The following RFX6 variants were observed in gnomAD, a reference collection of about 807,000 sequenced individuals.
RFX6 encodes regulatory factor X6.
A neutral mutation model predicts 110.8 loss-of-function variants in RFX6; 50 were observed. The ratio of observed to expected loss-of-function variants is 0.45; its 90% CI spans 0.36 to 0.57. The LOEUF (loss-of-function observed/expected upper bound fraction) is 0.57, where lower values mean the gene tolerates loss of function less well. Ranked by LOEUF, RFX6 falls within the 20% of genes least tolerant of loss-of-function variation. The pLI is 0.00. For synonymous variants in RFX6, 383 were observed against 411.2 expected (o/e 0.93, Z 0.83); for missense variants, 990 against 1,127.0 (o/e 0.88, Z 1.74).
intron 6 of RFX6, among the ~76,000 whole-genome samples, chr6:116,909,089 A>G (rs971715167): frequency 6.6e-6 from 1 of 151,900 alleles, no homozygotes; most frequent in African/African-American, 2.4e-5. Flanking sequence ...AAATCTTTTG[A>G]GTCTGTTTTT....
intron 6 of RFX6, among the ~76,000 whole-genome samples, chr6:116,897,252 G>T (rs952993750): frequency 6.6e-6 from 1 of 152,062 alleles, no homozygotes; most frequent in Non-Finnish European, 1.5e-5. Context: ...TGGAAATTGT[G>T]GTTCAGATAA....
At chr6:116,931,055 G>A (rs1283380871) in intron 18 of RFX6, among the ~76,000 whole-genome samples, 2 of 152,190 alleles carry the variant, frequency 1.3e-5, no homozygotes, top group African/African-American at 4.8e-5. Flanking sequence ...CAGATGGAAA[G>A]AGGAGGTTGA....
chr6:116,885,846 T>C (rs1259689017), intron 4 of RFX6, among the ~76,000 whole-genome samples: 2 of 152,182 alleles, frequency 1.3e-5, no homozygotes, highest in Non-Finnish European at 2.9e-5. Flanking sequence ...TTGTGTTTTA[T>C]ATTAACAGCA....
intron 3 of RFX6, among the ~76,000 whole-genome samples, chr6:116,881,703 G>A (rs944172676): frequency 6.6e-6 from 1 of 151,916 alleles, no homozygotes; most frequent in East Asian, 1.9e-4. Context: ...TACCTTATGG[G>A]AATAATTCTT....
intron 4 of RFX6, among the ~76,000 whole-genome samples, chr6:116,888,817 T>TAATG (rs1774756541): frequency 6.6e-6 from 1 of 152,156 alleles, no homozygotes. Flanking sequence ...AACCACAAAA[T>TAATG]AATGCTATAA....
Position 116,877,965 on chromosome 6 carries a change from C to T in RFX6, c.380+13C>T. On this transcript the variant is annotated intron_variant, in intron 2 of 18. Transcript: ENST00000332958. ...TCACGCTGCAGTGGTGAGACTCGCC[C>T]GCAGGGTACACTGAAGCACCTGTTG... 8.1e-6 allele frequency: 13 copies of T among 1,613,076 alleles called. No individual in the cohort carries two copies. The highest frequency in any genetic ancestry group is 1.0e-5 in the Non-Finnish European group (12 of 1,179,128).
chr6:116,915,367 T>A (rs557952597), intron 7 of RFX6, among the ~76,000 whole-genome samples: 1 of 152,316 alleles, frequency 6.6e-6, no homozygotes, highest in East Asian at 1.9e-4. Context: ...CTGTTCCATA[T>A]GTGTCACATC....
chr6:116,902,731 TCTC>T (rs1250279257), intron 6 of RFX6, among the ~76,000 whole-genome samples: 2 of 152,034 alleles, frequency 1.3e-5, no homozygotes, highest in Non-Finnish European at 2.9e-5. Flanking sequence ...TGAGTTTTCT[TCTC>T]CTTAACATCA....
intron 6 of RFX6, among the ~76,000 whole-genome samples, chr6:116,904,400 G>A (rs1262884797): frequency 6.6e-6 from 1 of 151,658 alleles, no homozygotes; most frequent in African/African-American, 2.4e-5. Flanking sequence ...TTAAAAATTT[G>A]TGTATATTCC....
chr6:116,916,164 G>T, intron 8 of RFX6, 37 bp from the exon 9 acceptor site: 1 of 1,574,784 alleles, frequency 6.4e-7, no homozygotes. Context: ...TCATGTTAAA[G>T]AAAAAAATCT....
At chr6:116,920,816 C>T (rs997974813) in intron 12 of RFX6, among the ~76,000 whole-genome samples, 1 of 151,846 alleles carries the variant, frequency 6.6e-6, no homozygotes, top group Non-Finnish European at 1.5e-5. Context: ...ATTTCATTAC[C>T]TAGAAATAAA....
intron 6 of RFX6, among the ~76,000 whole-genome samples, chr6:116,903,105 T>G (rs1200901092): frequency 1.3e-5 from 2 of 152,034 alleles, no homozygotes; most frequent in African/African-American, 2.4e-5. Context: ...AGCAAATATA[T>G]TAGTGGAATT....
At chr6:116,879,644 G>T (rs1003069548) in intron 2 of RFX6, among the ~76,000 whole-genome samples, 8 of 151,844 alleles carry the variant, frequency 5.3e-5, no homozygotes, top group African/African-American at 1.9e-4. Flanking sequence ...CATCGTTTCT[G>T]CATTATAATA....
chr6:116,883,494 G>A (rs1377801995), intron 4 of RFX6, among the ~76,000 whole-genome samples: 1 of 151,932 alleles, frequency 6.6e-6, no homozygotes. Context: ...AAAGTAAAAA[G>A]GAACAAGCGA....
At chr6:116,930,742 G>A (rs182865830) in intron 18 of RFX6, among the ~76,000 whole-genome samples, 93 of 152,224 alleles carry the variant, frequency 6.1e-4, no homozygotes, top group African/African-American at 2.1e-3. Flanking sequence ...AAATCAATGG[G>A]CAGAGAGCAG....
chr6:116,904,926 T>G (rs560058258), intron 6 of RFX6, among the ~76,000 whole-genome samples: 7 of 152,372 alleles, frequency 4.6e-5, no homozygotes, highest in African/African-American at 1.7e-4. Flanking sequence ...CATCTGTCGA[T>G]GGACAAGTGG....
intron 6 of RFX6, among the ~76,000 whole-genome samples, chr6:116,905,237 C>T (rs1348049940): frequency 2.0e-5 from 3 of 152,058 alleles, no homozygotes; most frequent in Non-Finnish European, 2.9e-5. Flanking sequence ...GTAGCCATCC[C>T]AGTGGGTGTG....
chr6:116,883,373 T>C (rs1774633176), intron 4 of RFX6, among the ~76,000 whole-genome samples: 1 of 152,124 alleles, frequency 6.6e-6, no homozygotes, highest in Admixed American at 6.6e-5. Context: ...ACCACTCCTT[T>C]TCTGGCTTGT....
intron 14 of RFX6, chr6:116,923,439 A>C (rs937314809): frequency 3.6e-6 from 2 of 556,776 alleles, no homozygotes; most frequent in Admixed American, 3.0e-5. Context: ...GCTATGGGCC[A>C]ATCTGCTCAT....
Sources: gnomAD v4.1 joint callset for allele counts (sites outside exome capture counted in the v4.1 genomes callset) on GRCh38, gnomAD v4.1.1 for gene constraint, MANE v1.5 for transcripts, NCBI Gene and HGNC (gene_info 2026-07-23, HGNC 2026-07-21) for gene names.